The following NFIB variants were observed in gnomAD, a reference collection of about 807,000 sequenced individuals.
The protein encoded by NFIB is nuclear factor 1 B-type.
In NFIB, 11 loss-of-function variants were observed where a neutral mutation model predicts 61.5. The observed-to-expected ratio is 0.18, with a 90% CI of 0.11 to 0.30. The LOEUF is 0.30. Ranked by LOEUF, NFIB falls within the 10% of genes least tolerant of loss-of-function variation. The probability of loss-of-function intolerance (pLI) is 1.00; values close to 1 mark genes in which losing one functional copy is unlikely to be tolerated. For synonymous variants in NFIB, 260 were observed against 216.5 expected (o/e 1.20, Z -1.76); for missense variants, 471 against 608.9 (o/e 0.77, Z 2.38).
At chr9:14,484,998 G>C in the NFIB span, among the ~76,000 whole-genome samples, 1 of 151,922 alleles carries the variant, frequency 6.6e-6, no homozygotes. Context: ...TCACATGACA[G>C]AGAGAGAGAG....
intron 2 of NFIB, among the ~76,000 whole-genome samples, chr9:14,303,761 T>A (rs1416556619): frequency 1.3e-5 from 2 of 152,050 alleles, no homozygotes; most frequent in African/African-American, 4.8e-5. Flanking sequence ...GTGTCTGCCT[T>A]TTTTTTCCCC....
At chr9:14,247,646 T>C (rs1360449413) in intron 2 of NFIB, among the ~76,000 whole-genome samples, 1 of 152,214 alleles carries the variant, frequency 6.6e-6, no homozygotes, top group Non-Finnish European at 1.5e-5. Flanking sequence ...GTTATATAAT[T>C]TCACTGGATA....
the NFIB span, among the ~76,000 whole-genome samples, chr9:14,511,620 A>T: frequency 1.3e-5 from 2 of 152,306 alleles, no homozygotes; most frequent in African/African-American, 4.8e-5. Context: ...AGCCAGTAAG[A>T]GGTGGAGTTG....
chr9:14,316,828 T>C (rs967924008), upstream of NFIB, among the ~76,000 whole-genome samples: 3 of 152,186 alleles, frequency 2.0e-5, no homozygotes, highest in Non-Finnish European at 4.4e-5. Context: ...TACTGCAGTT[T>C]CCCTTTGAAC....
intron 1 of NFIB, among the ~76,000 whole-genome samples, chr9:14,327,270 A>G (rs2060766408): frequency 6.6e-6 from 1 of 152,226 alleles, no homozygotes; most frequent in African/African-American, 2.4e-5. Flanking sequence ...AAGAAAGTCA[A>G]TGTTAATTCC....
chr9:14,397,619 C>T (rs535147827), intron 1 of NFIB, among the ~76,000 whole-genome samples: 12 of 152,246 alleles, frequency 7.9e-5, no homozygotes, highest in Middle Eastern at 6.8e-3. Context: ...CATCACATTC[C>T]TATTCAAGAC....
the NFIB span, among the ~76,000 whole-genome samples, chr9:14,449,313 T>G: frequency 6.6e-6 from 1 of 152,194 alleles, no homozygotes; most frequent in East Asian, 1.9e-4. Flanking sequence ...TTGGAATCAT[T>G]GAGAGAGCTA....
At chr9:14,111,300 G>C (rs544779007) in intron 10 of NFIB, among the ~76,000 whole-genome samples, 6 of 152,020 alleles carry the variant, frequency 3.9e-5, no homozygotes, top group African/African-American at 1.2e-4. Flanking sequence ...ATGAGGCTTC[G>C]ACATTTATCA....
chr9:14,488,556 G>C, the NFIB span, among the ~76,000 whole-genome samples: 9 of 152,030 alleles, frequency 5.9e-5, no homozygotes, highest in Admixed American at 5.9e-4. Flanking sequence ...TGCTGGCACT[G>C]CTTTGATCAG....
chr9:14,488,482 T>C, the NFIB span, among the ~76,000 whole-genome samples: 71 of 152,162 alleles, frequency 4.7e-4, no homozygotes, highest in Non-Finnish European at 8.8e-4. Flanking sequence ...CTTTGTAAAA[T>C]AGTATGCTGG....
chr9:14,440,069 A>C, the NFIB span, among the ~76,000 whole-genome samples: 1 of 152,078 alleles, frequency 6.6e-6, no homozygotes, highest in African/African-American at 2.4e-5. Context: ...CACCAGGTGG[A>C]CCTACTTTTT....
intron 1 of NFIB, among the ~76,000 whole-genome samples, chr9:14,372,080 G>T (rs1042928029): frequency 2.0e-5 from 3 of 151,642 alleles, no homozygotes; most frequent in Admixed American, 6.6e-5. Context: ...TCTCAGGTGC[G>T]CACCATCTGA....
At position 14,313,674 on chromosome 9, in the gene NFIB, T is replaced by C. The variant is rs953082645; in HGVS notation, c.-163A>G. On this transcript the variant is annotated 5_prime_UTR_variant, in exon 1 of 11. Transcript: ENST00000380953. The surrounding 1 kb of genome is among the most constrained non-coding windows in gnomAD (Gnocchi z 4.5). ...AACTTCACAACAAACCCAGTCCTCC[T>C]TAAATAGCCAAAGATTCAAGTTCAC... 3.4e-6 allele frequency: 5 copies of C among 1,455,690 alleles called. No individual in the cohort carries two copies. The highest frequency in any genetic ancestry group is 4.5e-6 in the Non-Finnish European group (5 of 1,103,732). 90.2% of individuals were successfully genotyped at this position (1,455,690 alleles called of 1,614,324 possible).
At chr9:14,125,270 GCCTCAGCCT>G (rs1263410666) in intron 7 of NFIB, among the ~76,000 whole-genome samples, 6 of 152,196 alleles carry the variant, frequency 3.9e-5, no homozygotes, top group African/African-American at 1.4e-4. Flanking sequence ...CGATTCTCCT[GCCTCAGCCT>G]CCTGAGTAGC....
chr9:14,484,821 G>A, the NFIB span, among the ~76,000 whole-genome samples: 3 of 152,204 alleles, frequency 2.0e-5, no homozygotes, highest in Admixed American at 6.5e-5. Context: ...GTATTAGACA[G>A]CTCAAGCTGC....
the NFIB span, among the ~76,000 whole-genome samples, chr9:14,531,761 G>C: frequency 6.6e-6 from 1 of 151,792 alleles, no homozygotes; most frequent in African/African-American, 2.4e-5. Context: ...GGCCACAATA[G>C]CAGGGAAATC....
chr9:14,088,015 G>A lies in NFIB; in HGVS notation c.*294C>T. 2.3e-6 allele frequency: 1 copy of A among 438,128 alleles called. No individual in the cohort carries two copies. Among genetic ancestry groups the A allele is most frequent in the Non-Finnish European group, 3.7e-6 (1 of 273,314 alleles). The allele number at this position is 438,128 out of a possible 1,614,324, so 27.1% of individuals were successfully genotyped here. A position where few individuals can be genotyped will look rare whatever the true frequency, so the allele number is the denominator to read the frequency against. On this transcript the variant is annotated 3_prime_UTR_variant, in exon 11 of 11. Coordinates refer to ENST00000380953, the MANE Select transcript of NFIB (RefSeq NM_001190737.2). ...GTGAAATATCATCGACCCTTTTTAT[G>A]TCATTACAGTTTCAACCTTAAGGGA...
chr9:14,477,369 A>G, the NFIB span, among the ~76,000 whole-genome samples: 1 of 152,354 alleles, frequency 6.6e-6, no homozygotes, highest in South Asian at 2.1e-4. Context: ...TTTTCTGGGT[A>G]TATATAAGTG....
At chr9:14,290,673 T>A (rs1047480582) in intron 2 of NFIB, among the ~76,000 whole-genome samples, 1 of 152,058 alleles carries the variant, frequency 6.6e-6, no homozygotes, top group Non-Finnish European at 1.5e-5. Context: ...AATATACACA[T>A]AAAGTGGAAA....
Sources: gnomAD v4.1 joint callset for allele counts (sites outside exome capture counted in the v4.1 genomes callset) on GRCh38, gnomAD v4.1.1 for gene constraint, Gnocchi (gnomAD v3.1) non-coding constraint, MANE v1.5 for transcripts, NCBI Gene and HGNC (gene_info 2026-07-23, HGNC 2026-07-21) for gene names.